Variants in NRXN1 observed in about 807,000 individuals in gnomAD.
The protein encoded by NRXN1 is neurexin 1.
In NRXN1, 39 loss-of-function variants were observed where a neutral mutation model predicts 150.9. The ratio of observed to expected loss-of-function variants is 0.26; its 90% CI spans 0.20 to 0.34. NRXN1 has a LOEUF of 0.34. Ranked by LOEUF, NRXN1 falls within the 10% of genes least tolerant of loss-of-function variation. NRXN1 has a pLI of 1.00. For missense variants in NRXN1, 1,815 were observed against 1,949.9 expected (o/e 0.93, Z 1.30); for synonymous variants, 924 against 757.0 (o/e 1.22, Z -3.62).
intron 5 of NRXN1, among the ~76,000 whole-genome samples, chr2:50,805,297 G>A (rs983696024): frequency 6.6e-6 from 1 of 152,008 alleles, no homozygotes; most frequent in African/African-American, 2.4e-5. Context: ...GACATATAAG[G>A]TTACTTCTAT....
At chr2:50,715,475 ATTGT>A (rs1170369759) in intron 5 of NRXN1, among the ~76,000 whole-genome samples, 1 of 152,170 alleles carries the variant, frequency 6.6e-6, no homozygotes, top group East Asian at 1.9e-4. Context: ...TAAACTGTAA[ATTGT>A]TTATAAATAT....
chr2:51,010,666 T>A (rs1425356139), intron 2 of NRXN1, among the ~76,000 whole-genome samples: 1 of 152,082 alleles, frequency 6.6e-6, no homozygotes, highest in African/African-American at 2.4e-5. Context: ...TACATTTTCA[T>A]AGTTACTGTT....
intron 9 of NRXN1, among the ~76,000 whole-genome samples, chr2:50,539,066 G>C (rs2093333121): frequency 6.6e-6 from 1 of 152,144 alleles, no homozygotes; most frequent in African/African-American, 2.4e-5. Context: ...TATTTTAACT[G>C]ACTTGATTAC....
chr2:50,112,947 T>C (rs1702573003), intron 18 of NRXN1, among the ~76,000 whole-genome samples: 1 of 152,184 alleles, frequency 6.6e-6, no homozygotes, highest in South Asian at 2.1e-4. Flanking sequence ...AGACATCTGG[T>C]GCCTATGCCA....
At chr2:50,288,775 G>C (rs978001492) in intron 17 of NRXN1, among the ~76,000 whole-genome samples, 1 of 152,166 alleles carries the variant, frequency 6.6e-6, no homozygotes, top group East Asian at 1.9e-4. Flanking sequence ...CTCAGGACAC[G>C]TGGGAATTAT....
At chr2:50,524,939 A>T (rs1185093076) in intron 12 of NRXN1, among the ~76,000 whole-genome samples, 1 of 152,182 alleles carries the variant, frequency 6.6e-6, no homozygotes, top group Non-Finnish European at 1.5e-5. Context: ...TGGGCACCAA[A>T]CTTGAAATTG....
At chr2:50,808,053 A>G (rs1667735592) in intron 5 of NRXN1, among the ~76,000 whole-genome samples, 1 of 152,078 alleles carries the variant, frequency 6.6e-6, no homozygotes, top group Admixed American at 6.6e-5. Flanking sequence ...GTTAACCCTT[A>G]TTGTGCCTTA....
At chr2:50,818,739 A>C (rs1022802524) in intron 5 of NRXN1, among the ~76,000 whole-genome samples, 24 of 152,138 alleles carry the variant, frequency 1.6e-4, no homozygotes, top group Admixed American at 1.0e-3. Flanking sequence ...CAATCTATGG[A>C]ATGAGAGAAA....
At chr2:50,336,280 T>C (rs1009388177) in intron 17 of NRXN1, among the ~76,000 whole-genome samples, 1 of 152,156 alleles carries the variant, frequency 6.6e-6, no homozygotes, top group African/African-American at 2.4e-5. Flanking sequence ...CTAGAAAGAA[T>C]TTACCATCCT....
intron 18 of NRXN1, among the ~76,000 whole-genome samples, chr2:50,098,830 G>GTTTT (rs746736925): frequency 1.2e-4 from 13 of 105,534 alleles, no homozygotes; most frequent in East Asian, 3.1e-4. Flanking sequence ...TTTGGTTTTA[G>GTTTT]TTTTTTTTTT....
intron 15 of NRXN1, among the ~76,000 whole-genome samples, chr2:50,480,979 G>C (rs554229993): frequency 6.6e-6 from 1 of 152,262 alleles, no homozygotes; most frequent in Admixed American, 6.5e-5. Flanking sequence ...TCCTTAACTT[G>C]ACCAAGCATT....
Position 50,655,191 on chromosome 2 carries a change from A to G in NRXN1, c.833-31576T>C, listed in dbSNP as rs547941976. On this transcript the variant is annotated intron_variant, in intron 5 of 22. Transcript: ENST00000401669. Reference sequence around the variant, plus strand: ...TCTTGTGAAAAGTAGCAAGCATGGAAAAAAAAAAGATACAGCTCTATTTCC... The same window carrying G: ...TCTTGTGAAAAGTAGCAAGCATGGAGAAAAAAAAGATACAGCTCTATTTCC... Among the ~76,000 whole-genome samples the G allele has an allele frequency of 4.6e-5, 7 of 151,216 alleles. No individual in the cohort carries two copies. The East Asian group carries it at 1.4e-3, about 30-fold the overall frequency.
At chr2:50,239,662 GTATATATATATATA>G (rs59505952) in intron 17 of NRXN1, among the ~76,000 whole-genome samples, 7,874 of 47,066 alleles carry the variant, frequency 0.17, 648 homozygotes, top group East Asian at 0.28. Flanking sequence ...ACCTATTCCA[GTATATATATATATA>G]TATATATATA....
intron 9 of NRXN1, among the ~76,000 whole-genome samples, chr2:50,540,437 G>C (rs2093362406): frequency 6.6e-6 from 1 of 152,110 alleles, no homozygotes; most frequent in South Asian, 2.1e-4. Context: ...ATTTCAAATG[G>C]AACGATCATT....
intron 2 of NRXN1, among the ~76,000 whole-genome samples, chr2:50,968,324 T>C (rs184420253): frequency 4.5e-4 from 69 of 152,234 alleles, no homozygotes; most frequent in Non-Finnish European, 7.9e-4. Context: ...TTTGTATTCA[T>C]CTTTTCCATC....
At chr2:49,923,009 A>G (rs1352580816) in intron 22 of NRXN1, among the ~76,000 whole-genome samples, 2 of 152,198 alleles carry the variant, frequency 1.3e-5, no homozygotes, top group African/African-American at 4.8e-5. Flanking sequence ...AGATTAGATA[A>G]TAATAGAAGG....
intron 17 of NRXN1, among the ~76,000 whole-genome samples, chr2:50,329,665 ATATATATATTTT>A (rs1254043598): frequency 0.021 from 531 of 25,226 alleles, 32 homozygotes; most frequent in African/African-American, 0.041. Context: ...ATATATATAT[ATATATATATTTT>A]TTTTTTTCCC....
chr2:50,467,788 C>T (rs1031476094), intron 16 of NRXN1, among the ~76,000 whole-genome samples: 3 of 151,122 alleles, frequency 2.0e-5, no homozygotes, highest in African/African-American at 7.3e-5. Context: ...TTTTTTTCAA[C>T]TTAGTTATTT....
intron 5 of NRXN1, among the ~76,000 whole-genome samples, chr2:50,656,995 T>C (rs1033079897): frequency 4.6e-5 from 7 of 152,172 alleles, no homozygotes; most frequent in Non-Finnish European, 7.4e-5. Flanking sequence ...TTCCTTGATA[T>C]ATGACATAAG....
Sources: allele counts gnomAD v4.1 joint callset (sites outside exome capture counted in the v4.1 genomes callset), GRCh38; gene constraint gnomAD v4.1.1; transcripts MANE v1.5; gene names NCBI Gene and HGNC (gene_info 2026-07-23, HGNC 2026-07-21).